ZMYND11: variants seen among roughly 807,000 people sequenced by gnomAD.
ZMYND11 encodes zinc finger MYND domain-containing protein 11.
Under a neutral mutation model 84.9 loss-of-function variants are expected in ZMYND11, and 9 were observed. The ratio of observed to expected loss-of-function variants is 0.11; its 90% CI spans 0.06 to 0.18. The LOEUF (loss-of-function observed/expected upper bound fraction) is 0.18. Ranked by LOEUF, ZMYND11 falls within the 10% of genes least tolerant of loss-of-function variation. The pLI is 1.00. For missense variants in ZMYND11, 409 were observed against 761.0 expected (o/e 0.54, Z 5.44); for synonymous variants, 250 against 244.1 (o/e 1.02, Z -0.23).
intron 2 of ZMYND11, among the ~76,000 whole-genome samples, chr10:184,722 CTG>C (rs899336781): frequency 1.1e-4 from 17 of 152,310 alleles, no homozygotes; most frequent in African/African-American, 4.1e-4. Context: ...ATAGTCCTCT[CTG>C]TTGGTCATTC....
intron 1 of ZMYND11, among the ~76,000 whole-genome samples, chr10:147,238 A>G (rs1554755623): frequency 6.6e-6 from 1 of 152,038 alleles, no homozygotes; most frequent in Admixed American, 6.5e-5. Context: ...GATGCCCTTT[A>G]TTTCTTTTTC....
chr10:240,200 C>G (rs1950637542), intron 8 of ZMYND11, 89 bp downstream of exon 8: 1 of 1,179,916 alleles, frequency 8.5e-7, no homozygotes, highest in Non-Finnish European at 1.2e-6. Context: ...TTTAGTTGTG[C>G]CATTTCCTTT....
At chr10:161,390 A>T (rs9419433) in intron 1 of ZMYND11, among the ~76,000 whole-genome samples, 141,418 of 152,266 alleles carry the variant, frequency 0.93, 66,032 homozygotes, top group Non-Finnish European at 0.98. Flanking sequence ...CAGAGTAGAT[A>T]TAGCATAATT....
intron 1 of ZMYND11, among the ~76,000 whole-genome samples, chr10:146,900 G>A (rs1554755482): frequency 6.6e-6 from 1 of 152,248 alleles, no homozygotes; most frequent in Non-Finnish European, 1.5e-5. Flanking sequence ...TGTAAGACAT[G>A]CCTTTGCTCC....
At chr10:238,197 C>A (rs1950293183) in intron 6 of ZMYND11, among the ~76,000 whole-genome samples, 1 of 152,192 alleles carries the variant, frequency 6.6e-6, no homozygotes, top group South Asian at 2.1e-4. Flanking sequence ...TAACAAATTG[C>A]AACAACATCC....
At chr10:237,823 TA>T in intron 6 of ZMYND11, 146 bp downstream of exon 6, 2 of 565,254 alleles carry the variant, frequency 3.5e-6, no homozygotes, top group Non-Finnish European at 6.2e-6. Flanking sequence ...AAGACAGGCA[TA>T]ACTACCAAAT....
chr10:164,591 C>A (rs567841151), intron 1 of ZMYND11, among the ~76,000 whole-genome samples: 1 of 152,256 alleles, frequency 6.6e-6, no homozygotes, highest in South Asian at 2.1e-4. Flanking sequence ...CTTAAATCAT[C>A]CATTGTGCAA....
chr10:249,105 T>TA lies in ZMYND11; in HGVS notation c.1686+17_1686+18insA. On this transcript the variant is annotated intron_variant, in intron 14 of 14. Coordinates refer to ENST00000381604, the MANE Select transcript of ZMYND11 (RefSeq NM_001370100.5). ...AAGCAGTGGGTAAATACCAGTCTTT[T>TA]TTAGACCCTTATTTCTGAAAATGTA... The TA allele has an allele frequency of 6.2e-7, 1 of 1,613,972 alleles. No individual in the cohort carries two copies. Among genetic ancestry groups the TA allele is most frequent in the Non-Finnish European group, 8.5e-7 (1 of 1,179,996 alleles).
chr10:146,777 A>G (rs2131247951), intron 1 of ZMYND11, among the ~76,000 whole-genome samples: 1 of 152,350 alleles, frequency 6.6e-6, no homozygotes. Flanking sequence ...AGATAATTGA[A>G]TCATGGTGGT....
chr10:248,310 G>C, intron 12 of ZMYND11, 26 bp from the exon 13 acceptor site: 3 of 1,604,482 alleles, frequency 1.9e-6, no homozygotes, highest in Non-Finnish European at 2.6e-6. Flanking sequence ...TTCGTTTGGC[G>C]TCTAAACTCT....
rs1229742730 is a variant in ZMYND11 at position 212,115 on chromosome 10, TTTTA to T, written c.276+2071_276+2074del. Among the ~76,000 whole-genome samples, 8 of 152,286 alleles carry T rather than the reference TTTTA, an allele frequency of 5.3e-5. No homozygotes were observed. The South Asian group carries it at 1.7e-3, about 32-fold the overall frequency. On this transcript the variant is annotated intron_variant, in intron 3 of 14. Transcript: ENST00000381604. Reference sequence around the variant, plus strand: ...TGTGTACATTTTTTCATAAAAGCGATTTTATTTCTCTTTACTGTTTAGATTGGTA... The same window carrying T: ...TGTGTACATTTTTTCATAAAAGCGATTTTCTCTTTACTGTTTAGATTGGTA...
At chr10:243,015 A>T (rs935749784) in intron 10 of ZMYND11, among the ~76,000 whole-genome samples, 1 of 152,100 alleles carries the variant, frequency 6.6e-6, no homozygotes, top group African/African-American at 2.4e-5. Context: ...AATTTTTAAC[A>T]TATGCTTAAT....
intron 3 of ZMYND11, among the ~76,000 whole-genome samples, chr10:220,540 G>A (rs1946967103): frequency 6.6e-6 from 1 of 152,110 alleles, no homozygotes; most frequent in Non-Finnish European, 1.5e-5. Flanking sequence ...CAGGAAATAA[G>A]GCTACTTCCT....
At chr10:138,004 G>T (rs957784770) in intron 1 of ZMYND11, among the ~76,000 whole-genome samples, 2 of 151,896 alleles carry the variant, frequency 1.3e-5, no homozygotes, top group Non-Finnish European at 2.9e-5. Context: ...CATTTGTGAG[G>T]TGTTTAAATA....
intron 1 of ZMYND11, among the ~76,000 whole-genome samples, chr10:151,200 A>G (rs1324255373): frequency 1.3e-5 from 2 of 152,228 alleles, no homozygotes; most frequent in Non-Finnish European, 2.9e-5. Context: ...CCAGCGACAG[A>G]ACAAAGCTGG....
At position 181,812 on chromosome 10, in the gene ZMYND11, A is replaced by C. The variant is rs555457198; in HGVS notation, c.116+1684A>C. Among the ~76,000 whole-genome samples, 6 of 152,318 alleles carry C rather than the reference A, an allele frequency of 3.9e-5. No homozygotes were observed. The South Asian group carries it at 1.0e-3, about 26-fold the overall frequency. On this transcript the variant is annotated intron_variant, in intron 2 of 14. Transcript: ENST00000381604. ...CTATGTGAACAATAAGAATAAAATA[A>C]ATAGTACATTATTTTAATTATTATG...
chr10:185,509 AGCG>A (rs1938038458), intron 2 of ZMYND11, among the ~76,000 whole-genome samples: 1 of 21,064 alleles, frequency 4.7e-5, no homozygotes. Flanking sequence ...AAAAAAAAAA[AGCG>A]TGGTGGGGGT....
intron 1 of ZMYND11, among the ~76,000 whole-genome samples, chr10:160,266 GT>G (rs1328610059): frequency 1.3e-5 from 2 of 152,186 alleles, no homozygotes; most frequent in Non-Finnish European, 2.9e-5. Context: ...ACCATAGTCT[GT>G]TAAGTGTGCA....
chr10:194,178 C>T (rs560263798), intron 2 of ZMYND11, among the ~76,000 whole-genome samples: 13 of 151,502 alleles, frequency 8.6e-5, no homozygotes, highest in East Asian at 7.8e-4. Context: ...TTGGTAGAGT[C>T]GGGGTTTCTT....
Sources: allele counts gnomAD v4.1 joint callset (sites outside exome capture counted in the v4.1 genomes callset), GRCh38; gene constraint gnomAD v4.1.1; transcripts MANE v1.5; gene names NCBI Gene and HGNC (gene_info 2026-07-23, HGNC 2026-07-21).